The following VSTM4 variants were observed in gnomAD, a reference collection of about 807,000 sequenced individuals.
VSTM4 encodes V-set and transmembrane domain-containing protein 4.
A neutral mutation model predicts 36.4 loss-of-function variants in VSTM4; 20 were observed. That is an observed-to-expected ratio of 0.55 (90% CI 0.39 to 0.80). The LOEUF (loss-of-function observed/expected upper bound fraction) is 0.80. VSTM4 is among the 30% of genes least tolerant of loss of function. The pLI, the probability that VSTM4 is intolerant of heterozygous loss-of-function variation, is 0.00. For missense variants in VSTM4, 392 were observed against 404.5 expected (o/e 0.97, Z 0.26); for synonymous variants, 182 against 173.9 (o/e 1.05, Z -0.37).
At chr10:49,053,439 A>G (rs1843729028) in intron 5 of VSTM4, among the ~76,000 whole-genome samples, 1 of 152,176 alleles carries the variant, frequency 6.6e-6, no homozygotes, top group Admixed American at 6.5e-5. Flanking sequence ...AGCTGATTCT[A>G]CTTTGACCAG....
chr10:49,073,888 A>G (rs1026333799), intron 4 of VSTM4, among the ~76,000 whole-genome samples: 1 of 152,228 alleles, frequency 6.6e-6, no homozygotes, highest in African/African-American at 2.4e-5. Flanking sequence ...CAAGGTGTGT[A>G]TTTTCTCCAT....
chr10:49,025,852 C>G (rs1375221439), intron 7 of VSTM4, among the ~76,000 whole-genome samples: 1 of 152,244 alleles, frequency 6.6e-6, no homozygotes, highest in Non-Finnish European at 1.5e-5. Flanking sequence ...TGCCAAGGGT[C>G]AGGTTGTTTC....
chr10:49,098,121 C>T (rs184133540), intron 2 of VSTM4, among the ~76,000 whole-genome samples: 1 of 152,272 alleles, frequency 6.6e-6, no homozygotes, highest in East Asian at 1.9e-4. Context: ...CATCCCAACC[C>T]CCCTGCTTAT....
intron 4 of VSTM4, among the ~76,000 whole-genome samples, chr10:49,069,817 G>A (rs966555004): frequency 6.6e-6 from 1 of 152,186 alleles, no homozygotes; most frequent in Non-Finnish European, 1.5e-5. Flanking sequence ...AGCATGCACA[G>A]CTGTCTGTCC....
intron 1 of VSTM4, among the ~76,000 whole-genome samples, chr10:49,112,104 AC>A (rs551523952): frequency 9.5e-4 from 145 of 152,184 alleles, no homozygotes; most frequent in African/African-American, 3.4e-3. Context: ...CCCAACAGCC[AC>A]CCTTGCCAAC....
chr10:49,053,877 C>A (rs953614427), intron 5 of VSTM4, among the ~76,000 whole-genome samples: 5 of 152,232 alleles, frequency 3.3e-5, no homozygotes, highest in Non-Finnish European at 5.9e-5. Flanking sequence ...AGGCTGCATT[C>A]CTGAGCGATG....
At chr10:49,045,494 G>A (rs1198199321) in intron 7 of VSTM4, among the ~76,000 whole-genome samples, 2 of 152,074 alleles carry the variant, frequency 1.3e-5, no homozygotes, top group African/African-American at 2.4e-5. Context: ...AGATTAGTGG[G>A]CAAAAGTTCA....
rs556885702 is a variant in VSTM4, at chr10:49,019,199, A to G, written c.*451T>C. On this transcript the variant is annotated 3_prime_UTR_variant, in exon 8 of 8. Coordinates refer to ENST00000332853, the MANE Select transcript of VSTM4 (RefSeq NM_001031746.5). ...GGCAATGCCATCTGATCCTTGGAAA[A>G]CCAACATATGTGCCATCTTACAGTT... 6.6e-6 allele frequency: 1 copy of G among 152,374 alleles called. No homozygotes were observed. The highest frequency in any genetic ancestry group is 6.5e-5 in the Admixed American group (1 of 15,302). 9.4% of individuals were successfully genotyped at this position (152,374 alleles called of 1,614,324 possible). A position where few individuals can be genotyped will look rare whatever the true frequency, so the allele number is the denominator to read the frequency against.
chr10:49,033,110 A>T (rs950686299), intron 7 of VSTM4, among the ~76,000 whole-genome samples: 3 of 152,206 alleles, frequency 2.0e-5, no homozygotes, highest in Admixed American at 2.0e-4. Context: ...ATGTTTACCA[A>T]AGCATCCATT....
chr10:49,068,497 G>C (rs1395120280), intron 4 of VSTM4, among the ~76,000 whole-genome samples: 1 of 152,198 alleles, frequency 6.6e-6, no homozygotes, highest in Non-Finnish European at 1.5e-5. Context: ...GCACCGTTCT[G>C]AGATCTCGGC....
intron 3 of VSTM4, among the ~76,000 whole-genome samples, chr10:49,080,705 A>C (rs1019973447): frequency 6.6e-6 from 1 of 152,218 alleles, no homozygotes; most frequent in African/African-American, 2.4e-5. Context: ...AGAAGAAAGC[A>C]CTGTAAGAAG....
At chr10:49,046,429 C>T (rs1843611920) in intron 7 of VSTM4, among the ~76,000 whole-genome samples, 1 of 152,188 alleles carries the variant, frequency 6.6e-6, no homozygotes, top group African/African-American at 2.4e-5. Context: ...AGAAAAGGAA[C>T]ATTAGCAGGT....
chr10:49,034,131 CA>C (rs1843390491), intron 7 of VSTM4, among the ~76,000 whole-genome samples: 1 of 152,100 alleles, frequency 6.6e-6, no homozygotes, highest in Non-Finnish European at 1.5e-5. Context: ...TCACTACCAC[CA>C]TCATCATCAG....
intron 4 of VSTM4, among the ~76,000 whole-genome samples, chr10:49,070,276 A>C: frequency 6.6e-6 from 1 of 151,346 alleles, no homozygotes; most frequent in Non-Finnish European, 1.5e-5. Context: ...AAAAAAAAAA[A>C]AAAGAAATAT....
intron 7 of VSTM4, among the ~76,000 whole-genome samples, chr10:49,041,854 C>A (rs1590079822): frequency 6.6e-6 from 1 of 152,114 alleles, no homozygotes; most frequent in East Asian, 1.9e-4. Flanking sequence ...ATGCCAAAAG[C>A]ACTTTTTTGA....
intron 7 of VSTM4, among the ~76,000 whole-genome samples, chr10:49,045,434 T>C (rs1843593090): frequency 6.6e-6 from 1 of 152,156 alleles, no homozygotes. Flanking sequence ...AAATCACCCT[T>C]AGTGCACCAT....
intron 7 of VSTM4, among the ~76,000 whole-genome samples, chr10:49,033,334 A>G (rs2131943219): frequency 6.6e-6 from 1 of 152,334 alleles, no homozygotes; most frequent in Middle Eastern, 3.4e-3. Context: ...AACTTGGCAC[A>G]CAGAAATGGA....
chr10:49,093,717 G>A (rs933011801), intron 2 of VSTM4, among the ~76,000 whole-genome samples: 2 of 149,050 alleles, frequency 1.3e-5, no homozygotes, highest in African/African-American at 4.9e-5. Context: ...ATCCTTCTTG[G>A]CCCATAGTTC....
intron 7 of VSTM4, among the ~76,000 whole-genome samples, chr10:49,044,983 T>C (rs140252752): frequency 1.3e-3 from 201 of 152,360 alleles, no homozygotes; most frequent in African/African-American, 4.7e-3. Flanking sequence ...GCAATGTCAC[T>C]GTTGTCATAA....
Sources: gnomAD v4.1 joint callset for allele counts (sites outside exome capture counted in the v4.1 genomes callset) on GRCh38, gnomAD v4.1.1 for gene constraint, MANE v1.5 for transcripts, NCBI Gene and HGNC (gene_info 2026-07-23, HGNC 2026-07-21) for gene names.